Variants in C9 observed in about 807,000 individuals in gnomAD.
C9 encodes the protein complement C9.
In C9, 63 loss-of-function variants were observed where a neutral mutation model predicts 65.4. The ratio of observed to expected loss-of-function variants is 0.96; its 90% confidence interval spans 0.79 to 1.19. C9 has a LOEUF of 1.19. C9 is among the 50% of genes most tolerant of loss of function. The pLI, the probability that C9 is intolerant of heterozygous loss-of-function variation, is 0.00. For missense variants in C9, 744 were observed against 670.1 expected (o/e 1.11, Z -1.22); for synonymous variants, 229 against 227.9 (o/e 1.00, Z -0.04).
rs567379558 is a variant in C9 at position 39,362,105 on chromosome 5, T to C, written c.77+2283A>G. On this transcript the variant is annotated intron_variant, in intron 1 of 10. Coordinates refer to ENST00000263408, the MANE Select transcript of C9 (RefSeq NM_001737.5). Reference sequence around the variant, plus strand: ...CGAAAACCTTATTAGACAGATGCTATCATTACCATTGTGATGAGTTGAATT... The same window carrying C: ...CGAAAACCTTATTAGACAGATGCTACCATTACCATTGTGATGAGTTGAATT... 9.2e-5 allele frequency among the ~76,000 whole-genome samples: 14 copies of C among 152,314 alleles called. No homozygotes were observed. In the East Asian group the frequency reaches 2.5e-3, roughly 27 times the overall value.
At chr5:39,331,639 A>G in intron 5 of C9, 37 bp downstream of exon 5, 3 of 1,604,804 alleles carry the variant, frequency 1.9e-6, no homozygotes, top group East Asian at 2.2e-5. Flanking sequence ...TTTTCAGCCA[A>G]AAGTTGAACA....
intron 6 of C9, among the ~76,000 whole-genome samples, chr5:39,314,965 A>G (rs1004177880): frequency 6.6e-6 from 1 of 152,220 alleles, no homozygotes; most frequent in Admixed American, 6.5e-5. Context: ...GTTCACAAAT[A>G]TATTCTAAGT....
chr5:39,342,840 C>G (rs1043350222), intron 1 of C9, among the ~76,000 whole-genome samples: 2 of 152,174 alleles, frequency 1.3e-5, no homozygotes, highest in Non-Finnish European at 2.9e-5. Context: ...CCTAGGCCCA[C>G]TGCTCAGCAA....
chr5:39,306,733 T>C lies in C9; in HGVS notation c.1300A>G (p.Arg434Gly), dbSNP rs1244788289. ...DVVSLIRGGT[R>G]KYAFELKEKL... ...TCTTTCAGTTCAAATGCATATTTTC[T>C]GGTTCCACCTCTTATGAGTGAAACA... Residue 434 changes from arginine to glycine, a missense_variant, in exon 9 of 11, where the codon AGA becomes GGA. Coordinates refer to ENST00000263408, the MANE Select transcript of C9 (RefSeq NM_001737.5). 1.9e-6 allele frequency: 3 copies of C among 1,612,536 alleles called. No individual in the cohort carries two copies. In the South Asian group the frequency reaches 3.3e-5, roughly 18 times the overall value.
intron 9 of C9, among the ~76,000 whole-genome samples, chr5:39,300,511 C>T (rs1163867913): frequency 1.3e-5 from 2 of 151,756 alleles, no homozygotes; most frequent in Non-Finnish European, 2.9e-5. Context: ...CCAAACAAAA[C>T]TTGAGGACAC....
chr5:39,334,326 C>T (rs1005756245), intron 4 of C9, among the ~76,000 whole-genome samples: 3 of 149,842 alleles, frequency 2.0e-5, no homozygotes, highest in Non-Finnish European at 4.4e-5. Flanking sequence ...AGGAGAGGAG[C>T]GTCTCTGCCC....
chr5:39,313,111 C>T (rs1753514435), intron 6 of C9, among the ~76,000 whole-genome samples: 1 of 152,142 alleles, frequency 6.6e-6, no homozygotes, highest in Non-Finnish European at 1.5e-5. Flanking sequence ...AGCTCATTAT[C>T]ATCCAAATAT....
chr5:39,350,742 C>T (rs138243512), intron 1 of C9, among the ~76,000 whole-genome samples: 92 of 152,260 alleles, frequency 6.0e-4, no homozygotes, highest in Middle Eastern at 6.8e-3. Context: ...GCTTCTGTGC[C>T]GCTGCCTGTA....
chr5:39,359,303 A>C (rs1754474567), intron 1 of C9, among the ~76,000 whole-genome samples: 1 of 151,690 alleles, frequency 6.6e-6, no homozygotes, highest in East Asian at 1.9e-4. Flanking sequence ...GATGCCTACT[A>C]GATTTTTCAA....
chr5:39,343,717 G>A (rs2111958982), intron 1 of C9, among the ~76,000 whole-genome samples: 1 of 152,344 alleles, frequency 6.6e-6, no homozygotes, highest in Admixed American at 6.5e-5. Flanking sequence ...AGAATGGACA[G>A]ACTGCCTCCT....
intron 9 of C9, among the ~76,000 whole-genome samples, chr5:39,303,957 AT>A (rs1423784480): frequency 8.5e-5 from 13 of 152,272 alleles, no homozygotes; most frequent in African/African-American, 2.4e-4. Flanking sequence ...CTGAACTAGA[AT>A]AAACAGGTAA....
At chr5:39,316,724 C>T (rs896117541) in intron 5 of C9, among the ~76,000 whole-genome samples, 1 of 152,182 alleles carries the variant, frequency 6.6e-6, no homozygotes, top group Non-Finnish European at 1.5e-5. Context: ...ATATGTACCA[C>T]ATTTTCTTTA....
At chr5:39,354,387 T>C (rs761884076) in intron 1 of C9, among the ~76,000 whole-genome samples, 51 of 152,194 alleles carry the variant, frequency 3.4e-4, no homozygotes, top group Non-Finnish European at 1.6e-4. Flanking sequence ...CTATACTGAT[T>C]AAATCAAGCT....
chr5:39,354,583 C>G (rs766240595), intron 1 of C9, among the ~76,000 whole-genome samples: 3 of 152,134 alleles, frequency 2.0e-5, no homozygotes, highest in Non-Finnish European at 2.9e-5. Flanking sequence ...CCACCATAGA[C>G]CTAAAATTGT....
intron 1 of C9, among the ~76,000 whole-genome samples, chr5:39,342,838 C>T (rs1354954746): frequency 6.6e-6 from 1 of 152,100 alleles, no homozygotes; most frequent in Non-Finnish European, 1.5e-5. Context: ...CCCCTAGGCC[C>T]ACTGCTCAGC....
Position 39,311,203 on chromosome 5 carries a change from A to T in C9, c.1045T>A (p.Ser349Thr). 6.2e-7 allele frequency: 1 copy of T among 1,612,996 alleles called. No homozygotes were observed. The highest frequency in any genetic ancestry group is 8.5e-7 in the Non-Finnish European group (1 of 1,178,990). Residue 349 changes from serine (S) to threonine (T), a missense_variant, in exon 7 of 11, where the codon TCT (serine) becomes ACT (threonine). Physicochemically the swap from Ser to Thr is moderately conservative, Grantham distance 58 (BLOSUM62 1). Transcript: ENST00000263408. ...TCATAGAGTCCTCCTAGAGACCCAG[A>T]GCTACTGTAGTGAGTTCCATAGGTT... The part of the protein sequence containing the change: ...LETYGTHYSS[S>T]GSLGGLYELI...
At chr5:39,359,018 ATATAT>A (rs1372253626) in intron 1 of C9, among the ~76,000 whole-genome samples, 3,583 of 13,838 alleles carry the variant, frequency 0.26, 104 homozygotes, top group Middle Eastern at 0.35. Context: ...TAAATAAAAA[ATATAT>A]ATATATATAT....
chr5:39,293,743 T>C (rs1753136447), intron 9 of C9, among the ~76,000 whole-genome samples: 1 of 151,944 alleles, frequency 6.6e-6, no homozygotes, highest in African/African-American at 2.4e-5. Context: ...GCCCAAGAGC[T>C]GCAGAGGGCA....
intron 1 of C9, among the ~76,000 whole-genome samples, chr5:39,346,660 A>G (rs1470795795): frequency 6.6e-6 from 1 of 152,244 alleles, no homozygotes; most frequent in Non-Finnish European, 1.5e-5. Context: ...AATCCTCCCT[A>G]ACTCATTTTA....
Sources: gnomAD v4.1 joint callset for allele counts (sites outside exome capture counted in the v4.1 genomes callset) on GRCh38, gnomAD v4.1.1 for gene constraint, MANE v1.5 for transcripts, NCBI Gene and HGNC (gene_info 2026-07-23, HGNC 2026-07-21) for gene names.